STAG1: variants seen among roughly 807,000 people sequenced by gnomAD.
STAG1 encodes cohesin subunit SA-1.
Under a neutral mutation model 170.9 loss-of-function variants are expected in STAG1, and 26 were observed. That is an observed-to-expected ratio of 0.15 (90% CI 0.11 to 0.21). The LOEUF (loss-of-function observed/expected upper bound fraction) is 0.21, where lower values mean the gene tolerates loss of function less well. Ranked by LOEUF, STAG1 falls within the 10% of genes least tolerant of loss-of-function variation. STAG1 has a pLI of 1.00. For missense variants in STAG1, 964 were observed against 1,509.5 expected (o/e 0.64, Z 5.99); for synonymous variants, 514 against 497.7 (o/e 1.03, Z -0.44).
intron 1 of STAG1, among the ~76,000 whole-genome samples, chr3:136,694,106 C>T (rs1465154827): frequency 1.3e-5 from 2 of 152,196 alleles, no homozygotes; most frequent in African/African-American, 4.8e-5. Flanking sequence ...TGAACCAGTT[C>T]ATTTGGCTCT....
intron 22 of STAG1, among the ~76,000 whole-genome samples, chr3:136,393,172 T>G (rs921933378): frequency 2.0e-5 from 3 of 152,152 alleles, no homozygotes; most frequent in East Asian, 3.8e-4. Flanking sequence ...TGACCAACAT[T>G]ACAAATATTA....
chr3:136,470,319 G>C (rs1489939270), intron 12 of STAG1, among the ~76,000 whole-genome samples: 2 of 152,124 alleles, frequency 1.3e-5, no homozygotes, highest in African/African-American at 4.8e-5. Flanking sequence ...TCAAAAAGTG[G>C]GCAAAGGATA....
At chr3:136,706,248 C>T (rs1943225160) in intron 1 of STAG1, among the ~76,000 whole-genome samples, 1 of 152,082 alleles carries the variant, frequency 6.6e-6, no homozygotes, top group Non-Finnish European at 1.5e-5. Flanking sequence ...GCTAGCCAGG[C>T]AAGAAAAGAA....
chr3:136,562,973 T>C (rs574544514), intron 5 of STAG1, among the ~76,000 whole-genome samples: 1 of 152,228 alleles, frequency 6.6e-6, no homozygotes, highest in East Asian at 1.9e-4. Context: ...GCTTGTCTTA[T>C]GTTTCTTCAT....
intron 21 of STAG1, among the ~76,000 whole-genome samples, chr3:136,412,715 TC>T (rs2107713613): frequency 6.6e-6 from 1 of 152,228 alleles, no homozygotes; most frequent in East Asian, 1.9e-4. Flanking sequence ...TCTATACTCT[TC>T]AAAATGTCAT....
chr3:136,531,692 T>A (rs1576575912), intron 6 of STAG1, among the ~76,000 whole-genome samples: 1 of 144,336 alleles, frequency 6.9e-6, no homozygotes, highest in East Asian at 2.0e-4. Flanking sequence ...TTCTCACTCA[T>A]AGGTGGGAAT....
chr3:136,473,373 A>C (rs995974747), intron 11 of STAG1, among the ~76,000 whole-genome samples, 166 bp downstream of exon 11: 4 of 152,178 alleles, frequency 2.6e-5, no homozygotes, highest in African/African-American at 9.6e-5. Context: ...TGGTCCACAG[A>C]AAAACTGTCT....
In STAG1 at chr3:136,685,043, G is replaced by A. The variant is rs566993621; in HGVS notation, c.-83-54062C>T. Among the ~76,000 whole-genome samples, 25 of 151,944 alleles carry A rather than the reference G, an allele frequency of 1.6e-4. No individual in the cohort carries two copies. The South Asian group carries it at 1.9e-3, about 11-fold the overall frequency. ...AAATTAAGAACTCTTGGCTGGGCCC[G>A]GTGGCTCACGCCTGTAATCCCAGCA... On this transcript the variant is annotated intron_variant, in intron 1 of 33. Transcript: ENST00000383202.
intron 4 of STAG1, among the ~76,000 whole-genome samples, chr3:136,591,253 A>AAGGGAGG (rs1241986206): frequency 5.4e-5 from 7 of 130,542 alleles, no homozygotes; most frequent in African/African-American, 1.6e-4. Context: ...GGGAGGGAGG[A>AAGGGAGG]AGGGAGGAGG....
intron 4 of STAG1, among the ~76,000 whole-genome samples, chr3:136,587,165 T>C (rs560260516): frequency 1.3e-5 from 2 of 150,020 alleles, no homozygotes; most frequent in Non-Finnish European, 3.0e-5. Flanking sequence ...TTTCTAATTA[T>C]GTTAAAAAAA....
intron 6 of STAG1, among the ~76,000 whole-genome samples, chr3:136,524,260 T>C (rs1046383884): frequency 1.3e-5 from 2 of 152,218 alleles, no homozygotes; most frequent in African/African-American, 4.8e-5. Context: ...TTGTGTCGTC[T>C]TTTATTTCAT....
chr3:136,719,972 T>C (rs1014209640), intron 1 of STAG1, among the ~76,000 whole-genome samples: 2 of 151,322 alleles, frequency 1.3e-5, no homozygotes, highest in Non-Finnish European at 1.5e-5. Context: ...AGGCCAGGAG[T>C]TCGAGACCAG....
intron 22 of STAG1, among the ~76,000 whole-genome samples, chr3:136,394,331 C>T (rs1399197114): frequency 6.6e-6 from 1 of 152,166 alleles, no homozygotes; most frequent in Non-Finnish European, 1.5e-5. Context: ...ATACCCTGGA[C>T]TTTTAAAGAA....
intron 1 of STAG1, among the ~76,000 whole-genome samples, chr3:136,728,115 C>T (rs1416945626): frequency 2.0e-5 from 3 of 151,762 alleles, no homozygotes; most frequent in African/African-American, 7.3e-5. Context: ...GCCGAGGTTG[C>T]GCCATGCACT....
intron 1 of STAG1, among the ~76,000 whole-genome samples, chr3:136,657,571 A>C (rs185363981): frequency 3.9e-5 from 6 of 152,284 alleles, no homozygotes; most frequent in African/African-American, 1.2e-4. Context: ...CCTGTAATCC[A>C]AACATTTTGG....
At chr3:136,373,875 T>C (rs1937477910) in intron 23 of STAG1, among the ~76,000 whole-genome samples, 3 of 152,232 alleles carry the variant, frequency 2.0e-5, no homozygotes, top group Non-Finnish European at 2.9e-5. Flanking sequence ...TGGTGCAGAG[T>C]TGAGTTCAAT....
intron 1 of STAG1, among the ~76,000 whole-genome samples, chr3:136,650,300 T>C (rs887661631): frequency 6.6e-6 from 1 of 150,678 alleles, no homozygotes; most frequent in African/African-American, 2.4e-5. Context: ...CCATTCATAA[T>C]AACAATACAA....
chr3:136,744,616 C>T (rs978398565), intron 1 of STAG1, among the ~76,000 whole-genome samples: 2 of 151,110 alleles, frequency 1.3e-5, no homozygotes, highest in African/African-American at 4.9e-5. Flanking sequence ...CAATTCAATG[C>T]TTTTCCCAGT....
intron 22 of STAG1, among the ~76,000 whole-genome samples, chr3:136,391,977 T>C (rs2087022425): frequency 6.6e-6 from 1 of 152,204 alleles, no homozygotes; most frequent in African/African-American, 2.4e-5. Flanking sequence ...CTTTATTTAA[T>C]AGTGTTTACT....
Sources: allele counts gnomAD v4.1 joint callset (sites outside exome capture counted in the v4.1 genomes callset), GRCh38; gene constraint gnomAD v4.1.1; transcripts MANE v1.5; gene names NCBI Gene and HGNC (gene_info 2026-07-23, HGNC 2026-07-21).